BEST1: variants seen among roughly 807,000 people sequenced by gnomAD.
BEST1 encodes the protein bestrophin-1.
A neutral mutation model predicts 63.3 loss-of-function variants in BEST1; 58 were observed. The ratio of observed to expected loss-of-function variants is 0.92; its 90% CI spans 0.74 to 1.14. The LOEUF is 1.14. Ranked by LOEUF, BEST1 falls within the 50% of genes most tolerant of loss-of-function variation. BEST1 has a pLI of 0.00. For synonymous variants in BEST1, 283 were observed against 291.6 expected (o/e 0.97, Z 0.30); for missense variants, 671 against 740.1 (o/e 0.91, Z 1.08).
rs77543508 is a variant in BEST1 at position 61,954,972 on chromosome 11, G to C, written c.153-135G>C. 3,436 of 1,511,276 alleles carry C rather than the reference G, an allele frequency of 2.3e-3. 63 individuals carry two copies. The African/African-American group carries it at 0.041, about 18-fold the overall frequency. 93.6% of individuals were successfully genotyped at this position (1,511,276 alleles called of 1,614,324 possible). ...ATGGACCTGGCTCAGGCCTCAGGAGGGGCCCTGGGCTGGGGAAAATGTGGG... is the reference window on the plus strand; with the variant it reads ...ATGGACCTGGCTCAGGCCTCAGGAGCGGCCCTGGGCTGGGGAAAATGTGGG... On this transcript the variant is annotated intron_variant, in intron 2 of 10. Transcript: ENST00000378043.
intron 9 of BEST1, 24 bp from the exon 10 acceptor site, chr11:61,962,231 C>T: frequency 6.2e-7 from 1 of 1,612,774 alleles, no homozygotes; most frequent in Non-Finnish European, 8.5e-7. Flanking sequence ...CTGGCTCAGC[C>T]CTGCATCTCC....
At chr11:61,951,695 CA>C (rs1940674138) in intron 1 of BEST1, 75 bp from the exon 2 acceptor site, 7 of 1,454,340 alleles carry the variant, frequency 4.8e-6, no homozygotes, top group Non-Finnish European at 6.6e-6. Flanking sequence ...AGGTCCAGAG[CA>C]GGGAAGGGTC....
Position 61,955,708 on chromosome 11 carries a change from T to C in BEST1, c.248-10T>C, listed in dbSNP as rs1479747309. On this transcript the variant is annotated splice_polypyrimidine_tract_variant and intron_variant, in intron 3 of 10. Coordinates refer to ENST00000378043, the MANE Select transcript of BEST1 (RefSeq NM_004183.4). ...CCCCTCGCCCCTCGCCCCCCGCCCC[T>C]CCTGCCCAGGCTTCTACGTGACGCT... 2.1e-5 allele frequency: 17 copies of C among 823,428 alleles called. No homozygotes were observed. The highest frequency in any genetic ancestry group is 3.2e-5 in the Non-Finnish European group (17 of 538,044). 51.0% of individuals were successfully genotyped at this position (823,428 alleles called of 1,614,324 possible).
At chr11:61,955,342 G>A (rs1941189712) in intron 3 of BEST1, 141 bp downstream of exon 3, 1 of 1,530,624 alleles carries the variant, frequency 6.5e-7, no homozygotes, top group South Asian at 1.2e-5. Flanking sequence ...CCTCTCTGTA[G>A]GGAAAGGTGC....
At position 61,964,141 on chromosome 11, in the gene BEST1, T is replaced by A; in HGVS notation, c.*19T>A. On this transcript the variant is annotated 3_prime_UTR_variant, in exon 11 of 11. Coordinates refer to ENST00000378043, the MANE Select transcript of BEST1 (RefSeq NM_004183.4). ...TTCCTAACCTGCTTCCTAATGGGGA[T>A]GCTTCGCCAGCCAGGTCCTCACCTG... 1 of 1,613,966 alleles carries A rather than the reference T, an allele frequency of 6.2e-7. No homozygotes were observed. Among genetic ancestry groups the A allele is most frequent in the Middle Eastern group, 1.6e-4 (1 of 6,062 alleles).
chr11:61,962,287 A>G lies in BEST1; in HGVS notation c.1133A>G (p.Asn378Ser), dbSNP rs199998058. The change falls in exon 10 of 11, where the codon AAT (asparagine) becomes AGT (serine). Residue 378 changes from asparagine (N) to serine (S), a missense_variant. By Grantham distance (46) the Asn-to-Ser change is conservative. Transcript: ENST00000378043. ...LNKEEMEFQP[N>S]QEDEEDAHAG... is the part of the protein sequence containing the mutation. ...AAAGAGGAGATGGAGTTCCAGCCCA[A>G]TCAGGAGGACGAGGAGGATGCTCAC... The G allele has an allele frequency of 8.0e-5, 129 of 1,614,174 alleles. No individual in the cohort carries two copies. The Admixed American group carries it at 2.1e-3, about 27-fold the overall frequency.
intron 2 of BEST1, among the ~76,000 whole-genome samples, chr11:61,954,112 T>C (rs195166): frequency 0.93 from 141,118 of 152,272 alleles, 65,421 homozygotes; most frequent in East Asian, 1. Context: ...ACTTGGGCAC[T>C]AATGCATGCT....
intron 1 of BEST1, among the ~76,000 whole-genome samples, chr11:61,950,638 C>T (rs1940553010): frequency 6.6e-6 from 1 of 152,188 alleles, no homozygotes; most frequent in African/African-American, 2.4e-5. Flanking sequence ...GCAAAACACA[C>T]AGGGAAAGAA....
intron 9 of BEST1, chr11:61,960,423 C>T (rs1190679217): frequency 2.4e-5 from 7 of 291,422 alleles, no homozygotes; most frequent in South Asian, 6.6e-5. Flanking sequence ...CAGGTTGGAG[C>T]GCAGTGGCGT....
At chr11:61,951,682 T>C (rs946070930) in intron 1 of BEST1, 89 bp from the exon 2 acceptor site, 16 of 1,348,732 alleles carry the variant, frequency 1.2e-5, no homozygotes, top group East Asian at 9.6e-5. Context: ...TATGGGAGAG[T>C]TGAGGTCCAG....
intron 10 of BEST1, chr11:61,963,691 G>A: frequency 9.2e-7 from 1 of 1,086,418 alleles, no homozygotes; most frequent in South Asian, 2.7e-5. Flanking sequence ...TCTAGGGCTA[G>A]ACAGGAACTT....
intron 7 of BEST1, 178 bp downstream of exon 7, chr11:61,958,476 C>A: frequency 1.3e-6 from 2 of 1,520,370 alleles, no homozygotes; most frequent in Non-Finnish European, 1.8e-6. Flanking sequence ...AGGAGAATCG[C>A]TTGAACCCGG....
rs762453759 is a variant in BEST1, at chr11:61,962,619, C to G, written c.1465C>G (p.Leu489Val). Residue 489 changes from leucine (L) to valine (V), a missense_variant, in exon 10 of 11, where the codon CTT (leucine) becomes GTT (valine). By Grantham distance (32) the Leu-to-Val change is conservative (BLOSUM62 1). Coordinates refer to ENST00000378043, the MANE Select transcript of BEST1 (RefSeq NM_004183.4). ...CCTAGAACCATCAGCGCCGTCAAAG[C>G]TTCACAGTGTCACAGGCATAGACAC... ...FPLEPSAPSK[L>V]HSVTGIDTKD... 4 of 1,614,184 alleles carry G rather than the reference C, an allele frequency of 2.5e-6. No homozygotes were observed. Among genetic ancestry groups the G allele is most frequent in the Non-Finnish European group, 3.4e-6 (4 of 1,180,038 alleles).
chr11:61,960,491 C>T (rs1289393906), intron 9 of BEST1: 2 of 212,220 alleles, frequency 9.4e-6, no homozygotes, highest in African/African-American at 4.6e-5. Flanking sequence ...CTGCTTCAGC[C>T]TCCCCAGTAG....
intron 6 of BEST1, among the ~76,000 whole-genome samples, chr11:61,957,712 C>T (rs1419432659): frequency 1.3e-5 from 2 of 152,158 alleles, no homozygotes; most frequent in African/African-American, 2.4e-5. Context: ...TGCAGTGGCT[C>T]ATGCCTGTAA....
chr11:61,964,722 G>A (rs780121825), downstream of BEST1: 109 of 1,598,034 alleles, frequency 6.8e-5, no homozygotes, highest in South Asian at 1.2e-4. Context: ...AAATTAGCCC[G>A]AGGCTTAGCT....
intron 1 of BEST1, among the ~76,000 whole-genome samples, chr11:61,951,109 C>T (rs138763672): frequency 5.9e-5 from 9 of 152,160 alleles, no homozygotes; most frequent in East Asian, 1.9e-4. Flanking sequence ...TGGGAGCTAA[C>T]GAACAAGATG....
At chr11:61,957,311 T>C in intron 5 of BEST1, 76 bp from the exon 6 acceptor site, 1 of 1,361,074 alleles carries the variant, frequency 7.3e-7, no homozygotes. Flanking sequence ...CCCTGGTACC[T>C]GGAGAAGAGG....
chr11:61,954,056 A>C (rs1335876620), intron 2 of BEST1, among the ~76,000 whole-genome samples: 1 of 152,236 alleles, frequency 6.6e-6, no homozygotes. Context: ...AAAATTCTTA[A>C]GTTCCTCCTA....
Sources: gnomAD v4.1 joint callset for allele counts (sites outside exome capture counted in the v4.1 genomes callset) on GRCh38, gnomAD v4.1.1 for gene constraint, MANE v1.5 for transcripts, NCBI Gene and HGNC (gene_info 2026-07-23, HGNC 2026-07-21) for gene names.